CUBN: variants seen among roughly 807,000 people sequenced by gnomAD.
The protein encoded by CUBN is 460 kDa receptor.
Under a neutral mutation model 405.3 loss-of-function variants are expected in CUBN, and 282 were observed. The ratio of observed to expected loss-of-function variants is 0.70; its 90% CI spans 0.63 to 0.77. The LOEUF (loss-of-function observed/expected upper bound fraction) is 0.77, where lower values mean the gene tolerates loss of function less well. Ranked by LOEUF, CUBN falls within the 30% of genes least tolerant of loss-of-function variation. The probability of loss-of-function intolerance (pLI) is 0.00; values close to 1 mark genes in which losing one functional copy is unlikely to be tolerated. For missense variants in CUBN, 4,514 were observed against 4,475.2 expected (o/e 1.01, Z -0.25); for synonymous variants, 1,684 against 1,617.0 (o/e 1.04, Z -0.99).
chr10:17,089,941 C>T (rs1456519298), intron 14 of CUBN, among the ~76,000 whole-genome samples: 1 of 151,768 alleles, frequency 6.6e-6, no homozygotes, highest in Non-Finnish European at 1.5e-5. Context: ...GGGCAGCCAT[C>T]GCTACAAAAA....
rs748961308 is a variant in CUBN, at chr10:16,869,859, A to T, written c.9237-6T>A. ...CCACATCAAAATCACTGAACCTGTG[A>T]AATGTACCTTGTTAATACTGATGTT... On this transcript the variant is annotated splice_polypyrimidine_tract_variant and splice_region_variant and intron_variant, in intron 58 of 66. Transcript: ENST00000377833. 5 of 1,586,376 alleles carry T rather than the reference A, an allele frequency of 3.2e-6. No homozygotes were observed. The Admixed American group carries it at 8.3e-5, about 26-fold the overall frequency.
At chr10:16,961,736 G>A (rs1271000265) in intron 31 of CUBN, among the ~76,000 whole-genome samples, 1 of 129,120 alleles carries the variant, frequency 7.7e-6, no homozygotes, top group East Asian at 2.1e-4. Context: ...TTTTGAGACG[G>A]AGTCTCGCTC....
intron 56 of CUBN, among the ~76,000 whole-genome samples, chr10:16,887,409 G>A (rs528226088): frequency 4.6e-5 from 7 of 152,192 alleles, no homozygotes; most frequent in East Asian, 1.9e-4. Context: ...TTTTAATCAC[G>A]TTTACATTAA....
At chr10:17,023,031 TA>T (rs1369772903) in intron 27 of CUBN, among the ~76,000 whole-genome samples, 2 of 152,228 alleles carry the variant, frequency 1.3e-5, no homozygotes, top group African/African-American at 2.4e-5. Flanking sequence ...ATGAACAGCA[TA>T]GCATTTTTGC....
Position 16,833,881 on chromosome 10 carries a change from G to GA in CUBN, c.10362+1132dup, listed in dbSNP as rs372264630. ...GAAGACCTGATTAAAGAGGCAGTGA[G>GA]AAAAAAAATAAAATAAAAAATACAA... On this transcript the variant is annotated intron_variant, in intron 64 of 66. Coordinates refer to ENST00000377833, the MANE Select transcript of CUBN (RefSeq NM_001081.4). Among the ~76,000 whole-genome samples, 1,041 of 151,740 alleles carry GA rather than the reference G, an allele frequency of 6.9e-3. 10 individuals are homozygous for GA. The highest frequency in any genetic ancestry group is 0.012 in the Non-Finnish European group (793 of 67,932).
At chr10:17,104,636 A>G in intron 11 of CUBN, 31 bp from the exon 12 acceptor site, 1 of 1,558,114 alleles carries the variant, frequency 6.4e-7, no homozygotes, top group Non-Finnish European at 8.8e-7. Context: ...TAATACCATA[A>G]AACAAATGGA....
intron 59 of CUBN, among the ~76,000 whole-genome samples, chr10:16,851,869 CCTCT>C (rs542681008): frequency 3.3e-5 from 4 of 122,116 alleles, no homozygotes; most frequent in African/African-American, 6.5e-5. Flanking sequence ...TCCCTCTCTC[CCTCT>C]ATCTTTCCCT....
chr10:17,109,599 T>G, intron 10 of CUBN, 41 bp downstream of exon 10: 1 of 1,491,830 alleles, frequency 6.7e-7, no homozygotes, highest in Non-Finnish European at 9.4e-7. Flanking sequence ...TAGAAGGTCA[T>G]ATTACAATAC....
intron 31 of CUBN, chr10:16,965,660 T>C (rs1162011609): frequency 6.5e-6 from 1 of 152,816 alleles, no homozygotes; most frequent in Non-Finnish European, 1.5e-5. Context: ...GGATTTTTTA[T>C]CTTGTTTACT....
chr10:16,845,665 T>C (rs1051761283), intron 60 of CUBN, among the ~76,000 whole-genome samples: 6 of 152,230 alleles, frequency 3.9e-5, no homozygotes, highest in Admixed American at 3.9e-4. Flanking sequence ...GTCTAGAATA[T>C]AGTAGGTATG....
chr10:16,939,472 GTTT>G (rs1337776163), intron 37 of CUBN, among the ~76,000 whole-genome samples: 1 of 152,016 alleles, frequency 6.6e-6, no homozygotes, highest in African/African-American at 2.4e-5. Context: ...ATTTTACTTT[GTTT>G]TTCAAAAGAA....
chr10:17,011,908 A>C (rs1338648237), intron 28 of CUBN, among the ~76,000 whole-genome samples: 1 of 152,128 alleles, frequency 6.6e-6, no homozygotes, highest in Non-Finnish European at 1.5e-5. Context: ...CCTGACCCAG[A>C]AGCTCAGCTG....
Position 17,065,608 on chromosome 10 carries a change from G to A in CUBN, c.3039C>T (p.Leu1013=), listed in dbSNP as rs1835597437. ...RYCGKSIPPS[L]TSSGNSLMLV... ...GCATCAATGAGTTACCACTGCTTGT[G>A]AGAGATGGCGGGATCGACTTTCCAC... The change falls in exon 22 of 67, where the codon CTC becomes CTT. Residue 1013 remains leucine, a synonymous_variant. Coordinates refer to ENST00000377833, the MANE Select transcript of CUBN (RefSeq NM_001081.4). 3 of 1,613,588 alleles carry A rather than the reference G, an allele frequency of 1.9e-6. No homozygotes were observed. In the East Asian group the frequency reaches 6.7e-5, roughly 36 times the overall value.
intron 39 of CUBN, among the ~76,000 whole-genome samples, chr10:16,935,097 T>G (rs1398001205): frequency 2.6e-5 from 4 of 151,968 alleles, no homozygotes; most frequent in Admixed American, 6.6e-5. Context: ...CCCATTTAAT[T>G]ACGATACCAT....
chr10:16,969,090 G>A (rs1025888290), intron 31 of CUBN, among the ~76,000 whole-genome samples: 3 of 152,212 alleles, frequency 2.0e-5, no homozygotes, highest in Non-Finnish European at 4.4e-5. Flanking sequence ...CTTCTGTGAT[G>A]TTATCTAAGT....
At chr10:17,075,073 CTTTTTT>C (rs957929670) in intron 17 of CUBN, among the ~76,000 whole-genome samples, 2 of 65,328 alleles carry the variant, frequency 3.1e-5, no homozygotes, top group African/African-American at 6.4e-5. Context: ...TCTTTGTTTT[CTTTTTT>C]TTTTTTTTTT....
chr10:17,031,295 A>C (rs549338724), intron 27 of CUBN, among the ~76,000 whole-genome samples: 1 of 152,218 alleles, frequency 6.6e-6, no homozygotes, highest in Non-Finnish European at 1.5e-5. Flanking sequence ...CCTTACTGAG[A>C]TGTTTCTCTT....
At chr10:17,013,522 T>A (rs1242003942) in intron 28 of CUBN, among the ~76,000 whole-genome samples, 1 of 152,192 alleles carries the variant, frequency 6.6e-6, no homozygotes, top group Non-Finnish European at 1.5e-5. Context: ...TTCCCCTTTT[T>A]GATGGCTTCA....
intron 58 of CUBN, among the ~76,000 whole-genome samples, chr10:16,870,654 C>T (rs189892189): frequency 3.9e-3 from 588 of 152,328 alleles, no homozygotes; most frequent in Non-Finnish European, 6.7e-3. Flanking sequence ...AATGTAAAAA[C>T]GAAGCTTCCA....
Sources: allele counts gnomAD v4.1 joint callset (sites outside exome capture counted in the v4.1 genomes callset), GRCh38; gene constraint gnomAD v4.1.1; transcripts MANE v1.5; gene names NCBI Gene and HGNC (gene_info 2026-07-23, HGNC 2026-07-21).